The following ST8SIA6 variants were observed in gnomAD, a reference collection of about 807,000 sequenced individuals.
ST8SIA6 encodes ST8 alpha-N-acetyl-neuraminide alpha-2,8-sialyltransferase 6, also known as alpha-2,8-sialyltransferase 8F.
Under a neutral mutation model 33.6 loss-of-function variants are expected in ST8SIA6, and 39 were observed. That is an observed-to-expected ratio of 1.16 (90% CI 0.90 to 1.52). The LOEUF is 1.52. Among genes scored for constraint, ST8SIA6 ranks in the 40% most tolerant of loss-of-function variants. The pLI, the probability that ST8SIA6 is intolerant of heterozygous loss-of-function variation, is 0.00. For synonymous variants in ST8SIA6, 172 were observed against 167.2 expected (o/e 1.03, Z -0.22); for missense variants, 441 against 443.8 (o/e 0.99, Z 0.06).
chr10:17,421,300 T>A (rs1229618316), intron 2 of ST8SIA6, among the ~76,000 whole-genome samples: 1 of 152,210 alleles, frequency 6.6e-6, no homozygotes, highest in African/African-American at 2.4e-5. Context: ...TGCTGCTTAG[T>A]CCTGTTTCCC....
At chr10:17,444,171 G>A (rs1852612756) in intron 2 of ST8SIA6, among the ~76,000 whole-genome samples, 1 of 152,036 alleles carries the variant, frequency 6.6e-6, no homozygotes, top group South Asian at 2.1e-4. Context: ...GCTAATGCCT[G>A]TTGCCTTAAA....
At chr10:17,423,493 A>G (rs946631937) in intron 2 of ST8SIA6, among the ~76,000 whole-genome samples, 4 of 152,214 alleles carry the variant, frequency 2.6e-5, no homozygotes, top group African/African-American at 4.8e-5. Flanking sequence ...GTGGGTTTAC[A>G]TTACAGGTGC....
chr10:17,386,555 CA>C (rs1414320099), intron 3 of ST8SIA6, among the ~76,000 whole-genome samples: 1 of 152,050 alleles, frequency 6.6e-6, no homozygotes, highest in Non-Finnish European at 1.5e-5. Context: ...GAAAGAAAAG[CA>C]TGTAGTTAAC....
At chr10:17,402,701 A>T (rs1404090620) in intron 2 of ST8SIA6, among the ~76,000 whole-genome samples, 4 of 151,910 alleles carry the variant, frequency 2.6e-5, no homozygotes, top group Admixed American at 2.6e-4. Flanking sequence ...GCATGTTCTC[A>T]CTCATAGGTG....
rs146575804 is a variant in ST8SIA6 at position 17,390,588 on chromosome 10, G to C, written c.233C>G (p.Thr78Arg). ...ATATTGCAGATTTTTGCATTTCTCC[G>C]TCAGTTGGAGCGACTTCTCATTCAG... Reference protein sequence around the residue: ...TYLNEKSLQLTEKCKNLQYGI... With the variant: ...TYLNEKSLQLREKCKNLQYGI... Residue 78 changes from threonine to arginine, a missense_variant, in exon 3 of 8, where the codon ACG becomes AGG. Coordinates refer to ENST00000377602, the MANE Select transcript of ST8SIA6 (RefSeq NM_001004470.3). 1.2e-6 allele frequency: 2 copies of C among 1,613,742 alleles called. No individual in the cohort carries two copies. Among genetic ancestry groups the C allele is most frequent in the South Asian group, 1.1e-5 (1 of 91,038 alleles).
intron 3 of ST8SIA6, among the ~76,000 whole-genome samples, chr10:17,374,885 G>A (rs1363955950): frequency 2.6e-5 from 4 of 151,718 alleles, no homozygotes; most frequent in Admixed American, 6.6e-5. Context: ...ATGAATGGCT[G>A]TTTTGTGTGG....
chr10:17,399,013 T>C (rs554909285), intron 2 of ST8SIA6: 3 of 152,350 alleles, frequency 2.0e-5, no homozygotes, highest in South Asian at 4.1e-4. Context: ...TTGAATACTC[T>C]TTTTAATTAA....
chr10:17,408,506 A>G (rs1247912566), intron 2 of ST8SIA6, among the ~76,000 whole-genome samples: 1 of 151,974 alleles, frequency 6.6e-6, no homozygotes, highest in Non-Finnish European at 1.5e-5. Flanking sequence ...TCTACTAGAA[A>G]GGCAAAAATT....
At chr10:17,388,937 C>A (rs1202199744) in intron 3 of ST8SIA6, among the ~76,000 whole-genome samples, 1 of 152,110 alleles carries the variant, frequency 6.6e-6, no homozygotes, top group African/African-American at 2.4e-5. Context: ...GAGTCTGAAC[C>A]TCCCCATGTT....
chr10:17,365,272 G>A (rs2131624643), intron 3 of ST8SIA6, among the ~76,000 whole-genome samples: 1 of 152,268 alleles, frequency 6.6e-6, no homozygotes, highest in South Asian at 2.1e-4. Flanking sequence ...CTTTGAAGAT[G>A]AAGACCCACA....
intron 2 of ST8SIA6, among the ~76,000 whole-genome samples, chr10:17,412,779 A>G (rs1301247224): frequency 1.3e-5 from 2 of 152,242 alleles, no homozygotes; most frequent in Non-Finnish European, 1.5e-5. Context: ...ATAGATCAGC[A>G]GGGTAATTAT....
intron 3 of ST8SIA6, among the ~76,000 whole-genome samples, chr10:17,384,753 C>A (rs1005809956): frequency 6.6e-6 from 1 of 152,154 alleles, no homozygotes; most frequent in African/African-American, 2.4e-5. Context: ...TAACAGCAAC[C>A]AATTTACATA....
At chr10:17,446,153 A>C (rs1852699019) in intron 2 of ST8SIA6, among the ~76,000 whole-genome samples, 1 of 152,212 alleles carries the variant, frequency 6.6e-6, no homozygotes, top group Non-Finnish European at 1.5e-5. Flanking sequence ...GGACAGCAGC[A>C]AGTCCTAAGT....
At chr10:17,441,920 G>A (rs1211141580) in intron 2 of ST8SIA6, among the ~76,000 whole-genome samples, 1 of 150,668 alleles carries the variant, frequency 6.6e-6, no homozygotes, top group Admixed American at 6.6e-5. Context: ...CCAGGCTGGA[G>A]TGCAGTGGTG....
At chr10:17,345,605 A>G (rs1848809304) in intron 4 of ST8SIA6, among the ~76,000 whole-genome samples, 1 of 152,184 alleles carries the variant, frequency 6.6e-6, no homozygotes, top group Non-Finnish European at 1.5e-5. Flanking sequence ...AAAATTCTGA[A>G]AGAAATCCTG....
At chr10:17,452,270 T>C (rs1478418606) in intron 2 of ST8SIA6, among the ~76,000 whole-genome samples, 1 of 152,204 alleles carries the variant, frequency 6.6e-6, no homozygotes, top group Non-Finnish European at 1.5e-5. Context: ...TGTTCCTCAA[T>C]TCAGGGTTTA....
intron 2 of ST8SIA6, among the ~76,000 whole-genome samples, chr10:17,448,597 T>TGTTGTC (rs1852802660): frequency 7.3e-6 from 1 of 137,410 alleles, no homozygotes. Context: ...GGGTTTTTAT[T>TGTTGTC]GTTGTTGTTG....
chr10:17,383,899 A>G (rs1423134596), intron 3 of ST8SIA6, among the ~76,000 whole-genome samples: 1 of 152,204 alleles, frequency 6.6e-6, no homozygotes. Flanking sequence ...ACAATTTAGT[A>G]TACTCCCATG....
At chr10:17,336,420 T>C (rs61841857) in intron 4 of ST8SIA6, among the ~76,000 whole-genome samples, 2,297 of 152,244 alleles carry the variant, frequency 0.015, 34 homozygotes, top group Non-Finnish European at 0.02. Flanking sequence ...TCCAATTTTA[T>C]AGTTGTACTT....
Sources: gnomAD v4.1 joint callset for allele counts (sites outside exome capture counted in the v4.1 genomes callset) on GRCh38, gnomAD v4.1.1 for gene constraint, MANE v1.5 for transcripts, NCBI Gene and HGNC (gene_info 2026-07-23, HGNC 2026-07-21) for gene names.